Variants in GPC5 observed in about 807,000 individuals in gnomAD.
The protein encoded by GPC5 is glypican-5.
A neutral mutation model predicts 53.9 loss-of-function variants in GPC5; 47 were observed. The observed-to-expected ratio is 0.87, with a 90% CI of 0.69 to 1.11. GPC5 has a LOEUF of 1.11. Among genes scored for constraint, GPC5 ranks in the 50% most tolerant of loss-of-function variants. The pLI, the probability that GPC5 is intolerant of heterozygous loss-of-function variation, is 0.00. For synonymous variants in GPC5, 286 were observed against 263.3 expected, an observed-to-expected ratio of 1.09 and a Z score of -0.84; for missense variants, 748 against 713.1, an observed-to-expected ratio of 1.05 and a Z score of -0.56.
chr13:92,805,416 A>G (rs1052849554), intron 7 of GPC5, among the ~76,000 whole-genome samples: 8 of 152,008 alleles, frequency 5.3e-5, no homozygotes, highest in Non-Finnish European at 1.0e-4. Flanking sequence ...AATGGGAAGT[A>G]ATATTTTGAA....
Position 92,257,567 on chromosome 13 carries a change from T to TG in GPC5, c.1561+112582dup, listed in dbSNP as rs1555323587. Among the ~76,000 whole-genome samples, 12 of 142,106 alleles carry TG rather than the reference T, an allele frequency of 8.4e-5. 1 individual carries two copies. The highest frequency in any genetic ancestry group is 2.6e-4 in the African/African-American group (9 of 34,908). The allele number at this position is 142,106 out of a possible 152,430, so 93.2% of individuals were successfully genotyped here. On this transcript the variant is annotated intron_variant, in intron 7 of 7. Transcript: ENST00000377067. ...AGGGATTTTTTTTTTTTTTTTTTTTTGGGGACAGAGTCTCACTCTGCCTCC... is the reference window on the plus strand; with the variant it reads ...AGGGATTTTTTTTTTTTTTTTTTTTTGGGGGACAGAGTCTCACTCTGCCTCC...
intron 7 of GPC5, among the ~76,000 whole-genome samples, chr13:92,547,415 A>C (rs907671295): frequency 1.3e-5 from 2 of 152,258 alleles, no homozygotes; most frequent in African/African-American, 4.8e-5. Context: ...CAGATGACGT[A>C]TTTTTACCTG....
chr13:92,016,056 T>C (rs2040704035), intron 6 of GPC5, among the ~76,000 whole-genome samples: 1 of 140,036 alleles, frequency 7.1e-6, no homozygotes, highest in Non-Finnish European at 1.6e-5. Flanking sequence ...ATCACTTCCA[T>C]TTACCTCTGC....
At chr13:91,829,586 T>C (rs1213423727) in intron 5 of GPC5, among the ~76,000 whole-genome samples, 1 of 152,018 alleles carries the variant, frequency 6.6e-6, no homozygotes, top group Non-Finnish European at 1.5e-5. Flanking sequence ...ATGTAAATAA[T>C]TAGTTTATCT....
At chr13:91,747,604 CTCATTGTAGCTTTTTG>C (rs2037078959) in intron 4 of GPC5, among the ~76,000 whole-genome samples, 2 of 151,374 alleles carry the variant, frequency 1.3e-5, no homozygotes, top group Admixed American at 6.6e-5. Flanking sequence ...ATATTGCATT[CTCATTGTAGCTTTTTG>C]TCATTGTAGC....
At chr13:91,987,373 T>C (rs189713935) in intron 6 of GPC5, among the ~76,000 whole-genome samples, 2 of 152,300 alleles carry the variant, frequency 1.3e-5, no homozygotes, top group East Asian at 3.9e-4. Flanking sequence ...AGAAGAATAT[T>C]GTTTTAGTTT....
In GPC5 at chr13:92,537,487, G is replaced by A. The variant is rs188686173; in HGVS notation, c.1562-328795G>A. Among the ~76,000 whole-genome samples the A allele has an allele frequency of 2.6e-4, 40 of 152,198 alleles. No individual in the cohort carries two copies. The East Asian group carries it at 6.4e-3, about 24-fold the overall frequency. On this transcript the variant is annotated intron_variant, in intron 7 of 7. Coordinates refer to ENST00000377067, the MANE Select transcript of GPC5 (RefSeq NM_004466.6). ...ATTCCACTGTCAGAGCTAAACATAT[G>A]CACAGGCTTATCTGAATTCTTGTAT...
intron 2 of GPC5, among the ~76,000 whole-genome samples, chr13:91,457,111 T>C (rs1010458474): frequency 1.3e-5 from 2 of 152,228 alleles, no homozygotes; most frequent in African/African-American, 4.8e-5. Context: ...TTTGTTAAAA[T>C]GTATCTTGAT....
intron 7 of GPC5, among the ~76,000 whole-genome samples, chr13:92,637,402 A>G (rs1885443965): frequency 6.6e-6 from 1 of 152,172 alleles, no homozygotes; most frequent in South Asian, 2.1e-4. Flanking sequence ...GTATGTGAGG[A>G]AACGATCAAG....
At chr13:91,464,589 G>A (rs1211435320) in intron 2 of GPC5, among the ~76,000 whole-genome samples, 1 of 152,106 alleles carries the variant, frequency 6.6e-6, no homozygotes, top group Admixed American at 6.6e-5. Context: ...GACTTTAATG[G>A]AATTATGCTG....
Position 92,632,485 on chromosome 13 carries a change from T to C in GPC5, c.1562-233797T>C, listed in dbSNP as rs184340827. 8.4e-3 allele frequency among the ~76,000 whole-genome samples: 1,161 copies of C among 137,622 alleles called. 18 individuals are homozygous for C. Among genetic ancestry groups the C allele is most frequent in the East Asian group, 0.052 (253 of 4,840 alleles). The allele number at this position is 137,622 out of a possible 152,430, so 90.3% of individuals were successfully genotyped here. ...CCACATATATATATATATATATATA[T>C]ACACATATATATATGCACACACACA... On this transcript the variant is annotated intron_variant, in intron 7 of 7. Coordinates refer to ENST00000377067, the MANE Select transcript of GPC5 (RefSeq NM_004466.6).
At chr13:91,883,979 C>A (rs1277028392) in intron 5 of GPC5, among the ~76,000 whole-genome samples, 1 of 151,822 alleles carries the variant, frequency 6.6e-6, no homozygotes, top group Non-Finnish European at 1.5e-5. Context: ...ATACATGTAA[C>A]CAACAAACAT....
At chr13:92,656,249 G>T (rs1886132867) in intron 7 of GPC5, among the ~76,000 whole-genome samples, 1 of 152,210 alleles carries the variant, frequency 6.6e-6, no homozygotes, top group African/African-American at 2.4e-5. Context: ...GGCCATTATA[G>T]TTGACATTGT....
chr13:91,448,689 A>G, intron 1 of GPC5, 72 bp from the exon 2 acceptor site: 1 of 1,498,166 alleles, frequency 6.7e-7, no homozygotes, highest in Non-Finnish European at 9.1e-7. Context: ...ACTGGTCATA[A>G]CGCCTGATAT....
intron 7 of GPC5, among the ~76,000 whole-genome samples, chr13:92,314,241 CT>C (rs1566534307): frequency 1.3e-5 from 2 of 152,114 alleles, no homozygotes; most frequent in African/African-American, 4.8e-5. Context: ...CTCTTAATCC[CT>C]TTTGTCACAG....
intron 2 of GPC5, among the ~76,000 whole-genome samples, chr13:91,471,226 A>G (rs1172646514): frequency 6.6e-6 from 1 of 151,908 alleles, no homozygotes; most frequent in Non-Finnish European, 1.5e-5. Flanking sequence ...TTTACATAAA[A>G]CATTCCTGCT....
chr13:92,656,066 GA>G lies in GPC5; in HGVS notation c.1562-210207del, dbSNP rs895210251. ...ATGAAAAGGGAAACATGAGGCTACA[GA>G]AAAAAAAAGAGTTATATCATGTTCA... On this transcript the variant is annotated intron_variant, in intron 7 of 7. Coordinates refer to ENST00000377067, the MANE Select transcript of GPC5 (RefSeq NM_004466.6). Among the ~76,000 whole-genome samples, 10 of 150,238 alleles carry G rather than the reference GA, an allele frequency of 6.7e-5. No individual in the cohort carries two copies. The East Asian group carries it at 7.8e-4, about 12-fold the overall frequency.
chr13:92,440,712 C>G (rs1877515250), intron 7 of GPC5, among the ~76,000 whole-genome samples: 1 of 152,150 alleles, frequency 6.6e-6, no homozygotes, highest in African/African-American at 2.4e-5. Flanking sequence ...TTTACATTCT[C>G]AGTATATATA....
At chr13:92,297,981 C>T (rs2043049479) in intron 7 of GPC5, among the ~76,000 whole-genome samples, 1 of 152,084 alleles carries the variant, frequency 6.6e-6, no homozygotes, top group Non-Finnish European at 1.5e-5. Flanking sequence ...CTGTAACACT[C>T]ACCACGAGGG....
Sources: gnomAD v4.1 joint callset for allele counts (sites outside exome capture counted in the v4.1 genomes callset) on GRCh38, gnomAD v4.1.1 for gene constraint, MANE v1.5 for transcripts, NCBI Gene and HGNC (gene_info 2026-07-23, HGNC 2026-07-21) for gene names.